Variants in TENM3 observed in about 807,000 individuals in gnomAD.
TENM3 encodes the protein teneurin transmembrane protein 3, also known as teneurin-3.
Under a neutral mutation model 255.1 loss-of-function variants are expected in TENM3, and 63 were observed. The observed-to-expected ratio is 0.25, with a 90% CI of 0.20 to 0.30. The LOEUF (loss-of-function observed/expected upper bound fraction) is 0.30, where lower values mean the gene tolerates loss of function less well. Ranked by LOEUF, TENM3 falls within the 10% of genes least tolerant of loss-of-function variation. TENM3 has a pLI of 1.00. For synonymous variants in TENM3, 1,306 were observed against 1,322.3 expected, an observed-to-expected ratio of 0.99 and a Z score of 0.27; for missense variants, 2,929 against 3,461.1, an observed-to-expected ratio of 0.85 and a Z score of 3.86.
the TENM3 span, among the ~76,000 whole-genome samples, chr4:182,005,655 C>T: frequency 1.5e-4 from 23 of 152,052 alleles, no homozygotes; most frequent in African/African-American, 3.1e-4. Context: ...TAAATTACTT[C>T]GGGCAGTATG....
intron 22 of TENM3, among the ~76,000 whole-genome samples, chr4:182,763,942 CTAATT>C (rs1190487814): frequency 6.6e-6 from 1 of 152,208 alleles, no homozygotes; most frequent in Non-Finnish European, 1.5e-5. Flanking sequence ...TCACCCCTTA[CTAATT>C]TAATAAAGAT....
chr4:182,620,255 C>T (rs1408649082), intron 4 of TENM3, among the ~76,000 whole-genome samples: 3 of 152,142 alleles, frequency 2.0e-5, no homozygotes, highest in Non-Finnish European at 4.4e-5. Flanking sequence ...TTTCAGTATT[C>T]CATTCCTTCG....
At chr4:182,241,397 G>C (rs533003574), upstream of TENM3, among the ~76,000 whole-genome samples, 1 of 151,942 alleles carries the variant, frequency 6.6e-6, no homozygotes, top group East Asian at 1.9e-4. Flanking sequence ...GTTCAGTGGT[G>C]CCCCCTCTAC....
chr4:182,666,171 A>C (rs1754664884), intron 6 of TENM3, among the ~76,000 whole-genome samples: 1 of 152,204 alleles, frequency 6.6e-6, no homozygotes, highest in South Asian at 2.1e-4. Flanking sequence ...AGTTGTTCTT[A>C]TGGATGAGCA....
chr4:182,024,088 A>C, the TENM3 span, among the ~76,000 whole-genome samples: 1 of 151,926 alleles, frequency 6.6e-6, no homozygotes, highest in Non-Finnish European at 1.5e-5. Flanking sequence ...AAAAATATTG[A>C]ATGTAAAAAT....
chr4:181,843,382 T>C, the TENM3 span, among the ~76,000 whole-genome samples: 1 of 152,188 alleles, frequency 6.6e-6, no homozygotes, highest in Admixed American at 6.5e-5. Context: ...AATAACTCAT[T>C]TTCCTTGAAT....
chr4:182,167,667 A>T (rs188377719), intron 1 of TENM3, among the ~76,000 whole-genome samples: 1 of 152,220 alleles, frequency 6.6e-6, no homozygotes, highest in African/African-American at 2.4e-5. Flanking sequence ...GAGCCCAGAA[A>T]TTTGAGACCA....
intron 7 of TENM3, among the ~76,000 whole-genome samples, chr4:182,677,164 CT>C (rs1255654150): frequency 3.9e-5 from 6 of 152,114 alleles, no homozygotes; most frequent in Non-Finnish European, 7.4e-5. Flanking sequence ...AAGTAGGGAA[CT>C]TTTTTTAGGT....
At chr4:181,751,384 T>A in the TENM3 span, among the ~76,000 whole-genome samples, 1 of 148,316 alleles carries the variant, frequency 6.7e-6, no homozygotes, top group Non-Finnish European at 1.5e-5. Flanking sequence ...TTTTTAAAAT[T>A]GAATTTAGCA....
the TENM3 span, among the ~76,000 whole-genome samples, chr4:181,730,877 C>T: frequency 6.6e-6 from 1 of 152,226 alleles, no homozygotes; most frequent in East Asian, 1.9e-4. Flanking sequence ...TTATATGTTT[C>T]ACAAGATAAG....
the TENM3 span, among the ~76,000 whole-genome samples, chr4:181,521,406 C>A: frequency 6.6e-6 from 1 of 152,158 alleles, no homozygotes; most frequent in Admixed American, 6.5e-5. Context: ...ACAAAAATGG[C>A]TTGCAGTAAG....
intron 3 of TENM3, among the ~76,000 whole-genome samples, chr4:182,438,055 T>C (rs906754733): frequency 6.6e-6 from 1 of 152,218 alleles, no homozygotes; most frequent in Non-Finnish European, 1.5e-5. Context: ...GCAAGTGATC[T>C]GAGAGATTTC....
chr4:181,755,226 T>C, the TENM3 span, among the ~76,000 whole-genome samples: 1 of 152,310 alleles, frequency 6.6e-6, no homozygotes, highest in East Asian at 1.9e-4. Flanking sequence ...TTGTATCCAA[T>C]TGTTCACCAT....
the TENM3 span, among the ~76,000 whole-genome samples, chr4:181,857,331 G>T: frequency 1.3e-5 from 2 of 151,754 alleles, no homozygotes; most frequent in South Asian, 4.2e-4. Context: ...GGGAAGGCCA[G>T]GGTGGCTGGA....
chr4:182,142,611 T>C (rs1307267611), upstream of TENM3: 1 of 167,254 alleles, frequency 6.0e-6, no homozygotes, highest in Admixed American at 6.5e-5. Flanking sequence ...GCTCTGAAGC[T>C]GAAAGTGGAG....
chr4:182,132,265 G>A, the TENM3 span, among the ~76,000 whole-genome samples: 1 of 152,020 alleles, frequency 6.6e-6, no homozygotes, highest in Non-Finnish European at 1.5e-5. Flanking sequence ...GGATCACGAG[G>A]TCAGGAGTTC....
chr4:181,954,518 T>C, the TENM3 span, among the ~76,000 whole-genome samples: 3 of 152,336 alleles, frequency 2.0e-5, 1 homozygote, highest in South Asian at 4.1e-4. Flanking sequence ...TTCTATGGGC[T>C]AATAATCCTG....
chr4:181,965,257 T>C, the TENM3 span, among the ~76,000 whole-genome samples: 1 of 152,212 alleles, frequency 6.6e-6, no homozygotes, highest in Non-Finnish European at 1.5e-5. Flanking sequence ...ATTTAATCTT[T>C]CGTCTTTCTG....
At chr4:182,386,641 GC>G (rs544196510) in intron 3 of TENM3, among the ~76,000 whole-genome samples, 7,891 of 151,690 alleles carry the variant, frequency 0.052, 215 homozygotes, top group South Asian at 0.11. Context: ...GGCTTGGCGG[GC>G]CCCGCACTCG....
Sources: allele counts gnomAD v4.1 joint callset (sites outside exome capture counted in the v4.1 genomes callset), GRCh38; gene constraint gnomAD v4.1.1; transcripts MANE v1.5; gene names NCBI Gene and HGNC (gene_info 2026-07-23, HGNC 2026-07-21).